Variants in NR6A1 observed in about 807,000 individuals in gnomAD.
The protein encoded by NR6A1 is retinoic acid receptor-related testis-associated receptor.
In NR6A1, 7 loss-of-function variants were observed where a neutral mutation model predicts 59.1. The observed-to-expected ratio is 0.12, with a 90% confidence interval of 0.07 to 0.22. The LOEUF is 0.22. Among genes scored for constraint, NR6A1 ranks in the 10% least tolerant of loss-of-function variants. The pLI is 1.00. For missense variants in NR6A1, 468 were observed against 611.6 expected (o/e 0.77, Z 2.48); for synonymous variants, 243 against 236.1 (o/e 1.03, Z -0.27).
chr9:124,630,172 A>G (rs1316131537), intron 2 of NR6A1, among the ~76,000 whole-genome samples: 1 of 151,014 alleles, frequency 6.6e-6, no homozygotes, highest in Non-Finnish European at 1.5e-5. Context: ...TATATTTAGA[A>G]TGGCTACACC....
In NR6A1 at chr9:124,526,849, G is replaced by A. The variant is rs762482574; in HGVS notation, c.1131C>T (p.His377=). The A allele has an allele frequency of 1.9e-6, 3 of 1,613,972 alleles. No individual in the cohort carries two copies. The highest frequency in any genetic ancestry group is 2.7e-5 in the African/African-American group (2 of 74,902). ...TGCTGACCTTTAGCTGATGGAACTT[G>A]TGATAGAGGTAGATGAGCCGCTCGA... ...EVIERLIYLY[H]KFHQLKVSNE... Residue 377 remains histidine, a synonymous_variant, in exon 8 of 10, where the codon CAC becomes CAT. Coordinates refer to ENST00000487099, the MANE Select transcript of NR6A1 (RefSeq NM_033334.4).
At chr9:124,610,471 G>A (rs1353992068) in intron 2 of NR6A1, among the ~76,000 whole-genome samples, 2 of 152,162 alleles carry the variant, frequency 1.3e-5, no homozygotes, top group Non-Finnish European at 1.5e-5. Context: ...TGATGGATAA[G>A]CTTTTTGATG....
chr9:124,714,525 C>G (rs2131079173), intron 2 of NR6A1, among the ~76,000 whole-genome samples: 1 of 152,264 alleles, frequency 6.6e-6, no homozygotes, highest in Middle Eastern at 3.4e-3. Flanking sequence ...CCATTTCTAT[C>G]TATCATTGTA....
chr9:124,565,316 A>G (rs1834207667), intron 2 of NR6A1, among the ~76,000 whole-genome samples: 1 of 152,100 alleles, frequency 6.6e-6, no homozygotes, highest in Non-Finnish European at 1.5e-5. Context: ...AGTCCCAGAT[A>G]CCCAGGAGGC....
intron 2 of NR6A1, among the ~76,000 whole-genome samples, chr9:124,635,533 G>C (rs1836583366): frequency 6.6e-6 from 1 of 152,214 alleles, no homozygotes; most frequent in African/African-American, 2.4e-5. Flanking sequence ...CACCTATGCA[G>C]AACTGTGAGT....
intron 2 of NR6A1, among the ~76,000 whole-genome samples, chr9:124,643,774 A>AG (rs1554738887): frequency 2.0e-5 from 3 of 147,558 alleles, no homozygotes; most frequent in Non-Finnish European, 3.0e-5. Context: ...AAAAAAAAAA[A>AG]AGAGAGAGAG....
At chr9:124,608,458 G>T (rs1835637874) in intron 2 of NR6A1, among the ~76,000 whole-genome samples, 1 of 152,140 alleles carries the variant, frequency 6.6e-6, no homozygotes, top group Admixed American at 6.5e-5. Context: ...CAAAGGAGCG[G>T]CAAAGGACAT....
chr9:124,595,241 A>G (rs1425914426), intron 2 of NR6A1, among the ~76,000 whole-genome samples: 2 of 152,180 alleles, frequency 1.3e-5, no homozygotes, highest in Admixed American at 6.5e-5. Flanking sequence ...GAAATTAGCA[A>G]TGGCTTAGTC....
At chr9:124,671,344 T>C (rs1208926466) in intron 2 of NR6A1, among the ~76,000 whole-genome samples, 5 of 152,208 alleles carry the variant, frequency 3.3e-5, no homozygotes, top group Admixed American at 3.3e-4. Flanking sequence ...CTGAAAAACA[T>C]CTACTGCTAT....
rs773490752 is a variant in NR6A1 at position 124,522,390 on chromosome 9, T to C, written c.*315A>G. 1.2e-4 allele frequency: 23 copies of C among 188,376 alleles called. No homozygotes were observed. Among genetic ancestry groups the C allele is most frequent in the Admixed American group, 4.4e-4 (8 of 18,310 alleles). The allele number at this position is 188,376 out of a possible 1,614,324, so 11.7% of individuals were successfully genotyped here. The stretch of plus-strand genomic sequence containing the variant: ...CCTCTCCCTCAAAATACAAAAGAAC[T>C]ATTTCTAAACAATGACAACACTGTA... On this transcript the variant is annotated 3_prime_UTR_variant, in exon 10 of 10. Transcript: ENST00000487099.
chr9:124,659,280 C>T (rs1470121253), intron 2 of NR6A1, among the ~76,000 whole-genome samples: 1 of 105,638 alleles, frequency 9.5e-6, no homozygotes, highest in East Asian at 3.0e-4. Flanking sequence ...GCTGCAGGGG[C>T]GGGAGCGGGG....
chr9:124,567,364 A>C (rs1834291047), intron 2 of NR6A1, among the ~76,000 whole-genome samples: 1 of 152,180 alleles, frequency 6.6e-6, no homozygotes, highest in Non-Finnish European at 1.5e-5. Flanking sequence ...GTAAAGTGAG[A>C]TGACATGGTC....
chr9:124,607,098 C>T (rs1403237090), intron 2 of NR6A1: 1 of 152,220 alleles, frequency 6.6e-6, no homozygotes, highest in Non-Finnish European at 1.5e-5. Context: ...AACTGCAACT[C>T]AGGCCCCATT....
chr9:124,539,347 C>T (rs1285259096), intron 5 of NR6A1, among the ~76,000 whole-genome samples: 1 of 152,218 alleles, frequency 6.6e-6, no homozygotes, highest in Non-Finnish European at 1.5e-5. Flanking sequence ...ACATAATGTC[C>T]ATGGCCATAG....
chr9:124,583,635 A>G (rs1834836168), intron 2 of NR6A1, among the ~76,000 whole-genome samples: 1 of 152,112 alleles, frequency 6.6e-6, no homozygotes, highest in Non-Finnish European at 1.5e-5. Flanking sequence ...AGAACCAAAC[A>G]ATACTTCTGT....
At chr9:124,613,301 C>T (rs1241188671) in intron 2 of NR6A1, among the ~76,000 whole-genome samples, 1 of 152,086 alleles carries the variant, frequency 6.6e-6, no homozygotes, top group Admixed American at 6.5e-5. Flanking sequence ...TGCTACTGCA[C>T]TCCAGCATGG....
In NR6A1 at chr9:124,682,432, T is replaced by A. The variant is rs532221257; in HGVS notation, c.142+50876A>T. On this transcript the variant is annotated intron_variant, in intron 2 of 9. Transcript: ENST00000487099. ...TACGTAAAACCAGATTTTCTTCATA[T>A]ACTTTAACCCAAACAGTATATTGTA... 4.6e-5 allele frequency among the ~76,000 whole-genome samples: 7 copies of A among 152,336 alleles called. No individual in the cohort carries two copies. In the South Asian group the frequency reaches 1.4e-3, roughly 32 times the overall value.
chr9:124,675,069 T>C (rs1003719179), intron 2 of NR6A1, among the ~76,000 whole-genome samples: 2 of 152,206 alleles, frequency 1.3e-5, no homozygotes, highest in Non-Finnish European at 2.9e-5. Context: ...TGCCTTATAC[T>C]AGTCTTTTCT....
At chr9:124,613,161 C>A (rs1055251972) in intron 2 of NR6A1, among the ~76,000 whole-genome samples, 1 of 151,694 alleles carries the variant, frequency 6.6e-6, no homozygotes, top group Admixed American at 6.6e-5. Context: ...CATGGTGAGA[C>A]CCTATCTCTA....
Sources: allele counts gnomAD v4.1 joint callset (sites outside exome capture counted in the v4.1 genomes callset), GRCh38; gene constraint gnomAD v4.1.1; transcripts MANE v1.5; gene names NCBI Gene and HGNC (gene_info 2026-07-23, HGNC 2026-07-21).